The following PLXDC2 variants were observed in gnomAD, a reference collection of about 807,000 sequenced individuals.
PLXDC2 encodes the protein plexin domain containing 2, also known as plexin domain-containing protein 2.
In PLXDC2, 40 loss-of-function variants were observed where a neutral mutation model predicts 68.9. The ratio of observed to expected loss-of-function variants is 0.58; its 90% CI spans 0.45 to 0.76. The LOEUF (loss-of-function observed/expected upper bound fraction) is 0.76, where lower values mean the gene tolerates loss of function less well. Among genes scored for constraint, PLXDC2 ranks in the 30% least tolerant of loss-of-function variants. The pLI, the probability that PLXDC2 is intolerant of heterozygous loss-of-function variation, is 0.00. For synonymous variants in PLXDC2, 243 were observed against 234.2 expected, an observed-to-expected ratio of 1.04 and a Z score of -0.34; for missense variants, 644 against 661.9, an observed-to-expected ratio of 0.97 and a Z score of 0.30.
At chr10:19,842,579 A>G (rs961093350) in intron 1 of PLXDC2, among the ~76,000 whole-genome samples, 1 of 152,184 alleles carries the variant, frequency 6.6e-6, no homozygotes, top group Non-Finnish European at 1.5e-5. Context: ...TTTGAGTCAC[A>G]GCATAATGAA....
intron 1 of PLXDC2, among the ~76,000 whole-genome samples, chr10:19,994,182 C>G (rs558598316): frequency 7.3e-5 from 11 of 150,616 alleles, no homozygotes; most frequent in African/African-American, 2.7e-4. Flanking sequence ...ACCCAACTGT[C>G]CAGTGAGCTA....
chr10:20,012,156 A>C (rs1203764740), intron 2 of PLXDC2, among the ~76,000 whole-genome samples: 1 of 152,088 alleles, frequency 6.6e-6, no homozygotes, highest in Non-Finnish European at 1.5e-5. Flanking sequence ...TGATTATCTA[A>C]ACATATGTAT....
intron 2 of PLXDC2, among the ~76,000 whole-genome samples, chr10:20,033,412 A>C (rs1300175117): frequency 1.3e-5 from 2 of 152,090 alleles, no homozygotes; most frequent in African/African-American, 2.4e-5. Context: ...TTTCTTCTTC[A>C]TTTTGGCATT....
chr10:20,100,235 A>G (rs1253529105), intron 4 of PLXDC2, among the ~76,000 whole-genome samples: 1 of 152,210 alleles, frequency 6.6e-6, no homozygotes, highest in Non-Finnish European at 1.5e-5. Context: ...TTTCTGGTTA[A>G]ACCAGTGACT....
At chr10:20,227,667 A>G (rs554897232) in intron 12 of PLXDC2, among the ~76,000 whole-genome samples, 2 of 152,236 alleles carry the variant, frequency 1.3e-5, no homozygotes, top group African/African-American at 4.8e-5. Flanking sequence ...ACGCCAGGCA[A>G]TGGGGTTTGA....
At chr10:20,075,476 C>T (rs769072409) in intron 4 of PLXDC2, among the ~76,000 whole-genome samples, 3 of 152,168 alleles carry the variant, frequency 2.0e-5, no homozygotes, top group Non-Finnish European at 4.4e-5. Context: ...AGGTGTGAGA[C>T]ACTGCGCCAA....
intron 4 of PLXDC2, among the ~76,000 whole-genome samples, chr10:20,076,103 G>A (rs1001667966): frequency 6.6e-6 from 1 of 152,194 alleles, no homozygotes; most frequent in Non-Finnish European, 1.5e-5. Flanking sequence ...GGGTGTCTAA[G>A]TGACTCTGTG....
intron 1 of PLXDC2, among the ~76,000 whole-genome samples, chr10:19,942,531 G>A (rs1833835857): frequency 6.6e-6 from 1 of 152,148 alleles, no homozygotes; most frequent in South Asian, 2.1e-4. Context: ...GGGAGGTCAA[G>A]GCAAGTGGAT....
rs76617426 is a variant in PLXDC2, at chr10:20,221,570, G to A, written c.1312+2468G>A. On this transcript the variant is annotated intron_variant, in intron 12 of 13. Transcript: ENST00000377252. ...GTTAAGATAAACGGTTCTTCAAAAGGGTACTTAAGGGAAATCACACATTGC... is the reference window on the plus strand; with the variant it reads ...GTTAAGATAAACGGTTCTTCAAAAGAGTACTTAAGGGAAATCACACATTGC... Among the ~76,000 whole-genome samples, 689 of 152,232 alleles carry A rather than the reference G, an allele frequency of 4.5e-3. 5 individuals are homozygous for A. The highest frequency in any genetic ancestry group is 0.015 in the African/African-American group (642 of 41,540).
rs61842779 is a variant in PLXDC2, at chr10:19,866,689, C to T, written c.112+49498C>T. Among the ~76,000 whole-genome samples the T allele has an allele frequency of 9.9e-3, 1,505 of 152,280 alleles. 13 individuals are homozygous for T. Among genetic ancestry groups the T allele is most frequent in the Middle Eastern group, 0.017 (5 of 294 alleles). Reference sequence around the variant, plus strand: ...AAGTGAACTAATTATTGCATGGTCCCAAGCAAGGAGAATAGGCTGCTACTG... The same window carrying T: ...AAGTGAACTAATTATTGCATGGTCCTAAGCAAGGAGAATAGGCTGCTACTG... On this transcript the variant is annotated intron_variant, in intron 1 of 13. Transcript: ENST00000377252.
chr10:20,160,263 C>T (rs1834273150), intron 6 of PLXDC2, among the ~76,000 whole-genome samples: 1 of 151,956 alleles, frequency 6.6e-6, no homozygotes, highest in African/African-American at 2.4e-5. Flanking sequence ...TATTAAGACT[C>T]ATAGTAGAGT....
chr10:20,039,085 C>G (rs1490422228), intron 2 of PLXDC2, among the ~76,000 whole-genome samples: 1 of 152,172 alleles, frequency 6.6e-6, no homozygotes, highest in African/African-American at 2.4e-5. Flanking sequence ...CCAGTGAGAA[C>G]TAGAGATCAG....
chr10:20,244,566 A>G (rs528791145), intron 12 of PLXDC2, among the ~76,000 whole-genome samples: 1 of 152,316 alleles, frequency 6.6e-6, no homozygotes, highest in Non-Finnish European at 1.5e-5. Flanking sequence ...TTTTTCACAA[A>G]TTATGCTTGG....
At chr10:19,852,927 A>G (rs1381932261) in intron 1 of PLXDC2, among the ~76,000 whole-genome samples, 1 of 152,222 alleles carries the variant, frequency 6.6e-6, no homozygotes, top group African/African-American at 2.4e-5. Context: ...GTCTGGCACA[A>G]TAAAATAGGC....
chr10:19,837,362 GCT>G (rs1259472376), intron 1 of PLXDC2, among the ~76,000 whole-genome samples: 1 of 151,372 alleles, frequency 6.6e-6, no homozygotes, highest in Non-Finnish European at 1.5e-5. Context: ...TTGCAACATT[GCT>G]CTGTTTTCTC....
intron 7 of PLXDC2, among the ~76,000 whole-genome samples, chr10:20,168,147 T>C (rs1834398635): frequency 6.6e-6 from 1 of 152,088 alleles, no homozygotes; most frequent in African/African-American, 2.4e-5. Context: ...GAGGGAAAAG[T>C]ATGGTAAAAC....
Position 20,177,445 on chromosome 10 carries a change from A to T in PLXDC2, c.1061+36A>T, listed in dbSNP as rs147644062. The stretch of plus-strand genomic sequence containing the variant: ...AATAATAAGAATAATAATAAAATTT[A>T]AAAAGATATTTTAAAAGATTAGAAA... On this transcript the variant is annotated intron_variant, in intron 9 of 13. Coordinates refer to ENST00000377252, the MANE Select transcript of PLXDC2 (RefSeq NM_032812.9). The T allele has an allele frequency of 6.2e-5, 66 of 1,071,068 alleles. No individual in the cohort carries two copies. In the East Asian group the frequency reaches 8.3e-4, roughly 13 times the overall value. The allele number at this position is 1,071,068 out of a possible 1,614,324, so 66.3% of individuals were successfully genotyped here.
intron 6 of PLXDC2, among the ~76,000 whole-genome samples, chr10:20,159,678 C>T (rs10827975): frequency 0.19 from 28,944 of 152,112 alleles, 3,370 homozygotes; most frequent in East Asian, 0.39. Context: ...AATACACGCT[C>T]CCTATGATCT....
chr10:19,944,841 A>C (rs1833875343), intron 1 of PLXDC2, among the ~76,000 whole-genome samples: 1 of 152,112 alleles, frequency 6.6e-6, no homozygotes, highest in Non-Finnish European at 1.5e-5. Context: ...AATCCCAGCC[A>C]CTCGGGAGGC....
Sources: allele counts gnomAD v4.1 joint callset (sites outside exome capture counted in the v4.1 genomes callset), GRCh38; gene constraint gnomAD v4.1.1; transcripts MANE v1.5; gene names NCBI Gene and HGNC (gene_info 2026-07-23, HGNC 2026-07-21).